CTNND2: variants seen among roughly 807,000 people sequenced by gnomAD.
The protein encoded by CTNND2 is catenin delta 2, also known as catenin delta-2.
Under a neutral mutation model 144.4 loss-of-function variants are expected in CTNND2, and 22 were observed. The ratio of observed to expected loss-of-function variants is 0.15; its 90% confidence interval spans 0.11 to 0.22. CTNND2 has a LOEUF of 0.22. Ranked by LOEUF, CTNND2 falls within the 10% of genes least tolerant of loss-of-function variation. The pLI, the probability that CTNND2 is intolerant of heterozygous loss-of-function variation, is 1.00. For synonymous variants in CTNND2, 751 were observed against 695.6 expected, an observed-to-expected ratio of 1.08 and a Z score of -1.25; for missense variants, 1,353 against 1,618.8, an observed-to-expected ratio of 0.84 and a Z score of 2.82.
At chr5:11,570,427 G>A (rs1777469788) in intron 2 of CTNND2, among the ~76,000 whole-genome samples, 2 of 152,160 alleles carry the variant, frequency 1.3e-5, no homozygotes, top group Middle Eastern at 3.2e-3. Flanking sequence ...GAATGAATGA[G>A]AGGTATTATG....
intron 2 of CTNND2, among the ~76,000 whole-genome samples, chr5:11,624,378 C>T (rs978906519): frequency 3.3e-5 from 5 of 152,078 alleles, no homozygotes; most frequent in Admixed American, 1.3e-4. Context: ...GAAAGAGGAA[C>T]ATGTGAAATG....
chr5:11,346,073 T>C (rs1196387423), intron 9 of CTNND2, among the ~76,000 whole-genome samples: 1 of 152,092 alleles, frequency 6.6e-6, no homozygotes, highest in African/African-American at 2.4e-5. Flanking sequence ...TGACATAGCC[T>C]CCAGTCCCCA....
rs558551471 is a variant in CTNND2 at position 11,377,216 on chromosome 5, A to T, written c.1177+7449T>A. ...CAGGCACGCGCCGCCACACCTGGCT[A>T]ATTTTTTTTTTGTATTTTTTAGTAG... On this transcript the variant is annotated intron_variant, in intron 7 of 21. Transcript: ENST00000304623. 9.0e-4 allele frequency among the ~76,000 whole-genome samples: 135 copies of T among 150,660 alleles called. 1 individual carries two copies. Among genetic ancestry groups the T allele is most frequent in the Non-Finnish European group, 1.5e-3 (101 of 67,868 alleles).
chr5:11,302,802 T>G (rs1001982866), intron 9 of CTNND2, among the ~76,000 whole-genome samples: 1 of 152,202 alleles, frequency 6.6e-6, no homozygotes, highest in Non-Finnish European at 1.5e-5. Context: ...TAAATAAATG[T>G]TCAGCATATG....
At chr5:11,509,860 C>T (rs1416394106) in intron 3 of CTNND2, among the ~76,000 whole-genome samples, 1 of 152,128 alleles carries the variant, frequency 6.6e-6, no homozygotes, top group Non-Finnish European at 1.5e-5. Context: ...CCCACAAAGG[C>T]AGAAATGCTT....
intron 1 of CTNND2, among the ~76,000 whole-genome samples, chr5:11,766,347 A>G (rs1164362318): frequency 6.6e-6 from 1 of 152,126 alleles, no homozygotes; most frequent in Non-Finnish European, 1.5e-5. Context: ...TCTCATCTTG[A>G]ATTTCCATGT....
Position 11,375,119 on chromosome 5 carries a change from G to C in CTNND2, c.1177+9546C>G, listed in dbSNP as rs78535823. The stretch of plus-strand genomic sequence containing the variant: ...AGGCCTTTTTCCTCAGATTGCATAA[G>C]ATAGGTAATAGGTAGGCTGCAGAAA... On this transcript the variant is annotated intron_variant, in intron 7 of 21. Transcript: ENST00000304623. Among the ~76,000 whole-genome samples the C allele has an allele frequency of 2.3e-3, 355 of 152,244 alleles. 7 individuals carry two copies. The East Asian group carries it at 0.058, about 25-fold the overall frequency.
chr5:11,361,923 C>T (rs1756491784), intron 8 of CTNND2, among the ~76,000 whole-genome samples: 1 of 152,164 alleles, frequency 6.6e-6, no homozygotes, highest in Admixed American at 6.5e-5. Context: ...TCTGGAAATG[C>T]CTTATGAATT....
chr5:11,385,081 T>C lies in CTNND2; in HGVS notation c.761A>G (p.Tyr254Cys). 1 of 1,069,426 alleles carries C rather than the reference T, an allele frequency of 9.4e-7. No homozygotes were observed. The highest frequency in any genetic ancestry group is 1.7e-5 in the African/African-American group (1 of 57,376). 66.2% of individuals were successfully genotyped at this position (1,069,426 alleles called of 1,614,324 possible). Residue 254 changes from tyrosine to cysteine, a missense_variant, in exon 7 of 22, where the codon TAC (tyrosine) becomes TGC (cysteine). Coordinates refer to ENST00000304623, the MANE Select transcript of CTNND2 (RefSeq NM_001332.4). Reference sequence around the variant, plus strand: ...CGGCGCGGGCAGCGTGGAGCTGGAGTAGTAGAGCGCGGCGGCGGCGGCGGC... The same window carrying C: ...CGGCGCGGGCAGCGTGGAGCTGGAGCAGTAGAGCGCGGCGGCGGCGGCGGC... ...PPAAAAAALYYSSSTLPAPPR... is the reference protein window; with the variant it reads ...PPAAAAAALYCSSSTLPAPPR...
chr5:11,539,776 G>A (rs1022571176), intron 3 of CTNND2, among the ~76,000 whole-genome samples: 10 of 152,204 alleles, frequency 6.6e-5, no homozygotes, highest in Admixed American at 5.2e-4. Flanking sequence ...GCTCATGCCT[G>A]TAATCCCAGC....
At chr5:11,443,885 C>T (rs1189451015) in intron 3 of CTNND2, among the ~76,000 whole-genome samples, 1 of 152,148 alleles carries the variant, frequency 6.6e-6, no homozygotes, top group African/African-American at 2.4e-5. Flanking sequence ...AAAAACTAAG[C>T]ATTGGATAAT....
intron 8 of CTNND2, among the ~76,000 whole-genome samples, chr5:11,358,739 G>GT (rs560059277): frequency 1.3e-5 from 2 of 151,572 alleles, no homozygotes; most frequent in African/African-American, 2.4e-5. Flanking sequence ...AGAGGATTAC[G>GT]TTTTTTTTAG....
chr5:11,288,003 T>G (rs1441416725), intron 9 of CTNND2, among the ~76,000 whole-genome samples: 1 of 152,238 alleles, frequency 6.6e-6, no homozygotes, highest in African/African-American at 2.4e-5. Context: ...TTACAATGTG[T>G]TTTTCTATTA....
At chr5:11,353,105 G>A (rs536422199) in intron 8 of CTNND2, among the ~76,000 whole-genome samples, 2 of 140,918 alleles carry the variant, frequency 1.4e-5, no homozygotes, top group Non-Finnish European at 3.0e-5. Context: ...CACGTTTTCA[G>A]CCATCAATGG....
chr5:11,693,104 T>C (rs1784984837), intron 2 of CTNND2, among the ~76,000 whole-genome samples: 1 of 152,168 alleles, frequency 6.6e-6, no homozygotes, highest in Non-Finnish European at 1.5e-5. Flanking sequence ...TACTCCAATG[T>C]CAAACTTTGG....
intron 16 of CTNND2, among the ~76,000 whole-genome samples, chr5:11,049,101 G>A (rs112910088): frequency 2.6e-5 from 4 of 152,194 alleles, no homozygotes; most frequent in African/African-American, 7.2e-5. Flanking sequence ...GAGGTAAGAC[G>A]AGGTCACTGC....
chr5:11,222,416 G>A (rs2149868481), intron 10 of CTNND2, among the ~76,000 whole-genome samples: 1 of 152,306 alleles, frequency 6.6e-6, no homozygotes, highest in East Asian at 1.9e-4. Context: ...CAGGAGTCTT[G>A]CCTCGCTGCA....
intron 2 of CTNND2, among the ~76,000 whole-genome samples, chr5:11,638,352 T>C (rs1158933916): frequency 6.6e-6 from 1 of 152,188 alleles, no homozygotes; most frequent in African/African-American, 2.4e-5. Context: ...TAATTCTACT[T>C]TTATTGCTTT....
At chr5:11,310,569 T>C (rs1398025427) in intron 9 of CTNND2, among the ~76,000 whole-genome samples, 2 of 151,904 alleles carry the variant, frequency 1.3e-5, no homozygotes, top group Admixed American at 1.3e-4. Flanking sequence ...TCATAACACC[T>C]GGGGAGTTGT....
Sources: allele counts gnomAD v4.1 joint callset (sites outside exome capture counted in the v4.1 genomes callset), GRCh38; gene constraint gnomAD v4.1.1; transcripts MANE v1.5; gene names NCBI Gene and HGNC (gene_info 2026-07-23, HGNC 2026-07-21).